Variants in CCDC148 observed in about 807,000 individuals in gnomAD.
The protein encoded by CCDC148 is coiled-coil domain-containing protein 148.
A neutral mutation model predicts 85.7 loss-of-function variants in CCDC148; 89 were observed. That is an observed-to-expected ratio of 1.04 (90% CI 0.87 to 1.24). CCDC148 has a LOEUF of 1.24. CCDC148 is among the 50% of genes most tolerant of loss of function. The probability of loss-of-function intolerance (pLI) is 0.00; values close to 1 mark genes in which losing one functional copy is unlikely to be tolerated. For missense variants in CCDC148, 692 were observed against 671.7 expected, an observed-to-expected ratio of 1.03 and a Z score of -0.33; for synonymous variants, 230 against 213.9, an observed-to-expected ratio of 1.08 and a Z score of -0.66.
At chr2:158,201,404 T>C (rs1277119099) in intron 11 of CCDC148, among the ~76,000 whole-genome samples, 6 of 145,160 alleles carry the variant, frequency 4.1e-5, no homozygotes, top group Non-Finnish European at 7.5e-5. Context: ...CTGTTTTCTT[T>C]TATTTGTTAC....
intron 2 of CCDC148, among the ~76,000 whole-genome samples, chr2:158,353,611 C>A (rs1019220356): frequency 4.6e-5 from 7 of 152,106 alleles, no homozygotes; most frequent in Admixed American, 2.6e-4. Flanking sequence ...GACTTAGACT[C>A]CCACACATTA....
chr2:158,409,958 TTC>T (rs1349933225), intron 1 of CCDC148, among the ~76,000 whole-genome samples: 2 of 152,194 alleles, frequency 1.3e-5, no homozygotes, highest in African/African-American at 4.8e-5. Context: ...TTGGCTGTCA[TTC>T]TCTGTTGCCA....
At chr2:158,321,734 C>T (rs1692527709) in intron 7 of CCDC148, among the ~76,000 whole-genome samples, 1 of 152,158 alleles carries the variant, frequency 6.6e-6, no homozygotes, top group Non-Finnish European at 1.5e-5. Flanking sequence ...TATGTGAAGC[C>T]ACACAGTGTT....
At chr2:158,304,216 C>A (rs1163295463) in intron 9 of CCDC148, among the ~76,000 whole-genome samples, 3 of 152,022 alleles carry the variant, frequency 2.0e-5, no homozygotes, top group East Asian at 1.9e-4. Flanking sequence ...GATGCTTAAA[C>A]CTTCAGGGCC....
At chr2:158,434,030 T>A (rs1216367024) in intron 1 of CCDC148, among the ~76,000 whole-genome samples, 2 of 152,092 alleles carry the variant, frequency 1.3e-5, no homozygotes, top group African/African-American at 2.4e-5. Flanking sequence ...CTCTGTAGAC[T>A]CCACCTCTGG....
chr2:158,283,780 A>C (rs2105179140), intron 9 of CCDC148, among the ~76,000 whole-genome samples: 1 of 151,572 alleles, frequency 6.6e-6, no homozygotes, highest in Middle Eastern at 3.4e-3. Context: ...TACTAGGTAT[A>C]TACCCAAAGG....
intron 1 of CCDC148, among the ~76,000 whole-genome samples, chr2:158,383,049 C>T (rs557365328): frequency 6.6e-6 from 1 of 152,026 alleles, no homozygotes; most frequent in East Asian, 1.9e-4. Context: ...CCTGTAATCC[C>T]AGCATTCTGT....
At chr2:158,285,998 A>G (rs896182217) in intron 9 of CCDC148, among the ~76,000 whole-genome samples, 2 of 152,182 alleles carry the variant, frequency 1.3e-5, no homozygotes, top group African/African-American at 4.8e-5. Flanking sequence ...AAAGGAAGCA[A>G]AATTGTCATT....
intron 1 of CCDC148, among the ~76,000 whole-genome samples, chr2:158,370,641 T>C (rs1212817110): frequency 3.3e-5 from 5 of 152,000 alleles, no homozygotes; most frequent in African/African-American, 9.7e-5. Flanking sequence ...TAAAACATTA[T>C]GGACTGTAGT....
chr2:158,323,251 A>G (rs1273436324), intron 7 of CCDC148, among the ~76,000 whole-genome samples: 1 of 152,224 alleles, frequency 6.6e-6, no homozygotes, highest in Non-Finnish European at 1.5e-5. Context: ...AAAATGTGGC[A>G]GTCCAAATTA....
chr2:158,266,895 C>CAT (rs200568570), intron 9 of CCDC148, among the ~76,000 whole-genome samples: 15 of 129,216 alleles, frequency 1.2e-4, no homozygotes, highest in Admixed American at 2.3e-4. Context: ...TATTTATTTA[C>CAT]ATATATATAT....
At chr2:158,304,189 T>C (rs1237648159) in intron 9 of CCDC148, among the ~76,000 whole-genome samples, 1 of 152,080 alleles carries the variant, frequency 6.6e-6, no homozygotes, top group Admixed American at 6.5e-5. Flanking sequence ...GAAGATGGCT[T>C]CTTCTTTCAT....
At position 158,354,455 on chromosome 2, in the gene CCDC148, C is replaced by T. The variant is rs1468539747; in HGVS notation, c.147+3994G>A. On this transcript the variant is annotated intron_variant, in intron 2 of 13. Transcript: ENST00000283233. ...TCAGAGAATACTACAAACACCTCTA[C>T]GCAAATAAACTAGAAAATCTAGAAG... is the stretch of plus-strand genomic sequence containing the variant. 4.5e-3 allele frequency among the ~76,000 whole-genome samples: 686 copies of T among 151,398 alleles called. 3 individuals are homozygous for T. Among genetic ancestry groups the T allele is most frequent in the African/African-American group, 0.015 (605 of 41,394 alleles).
At chr2:158,177,132 C>T (rs886248023) in intron 12 of CCDC148, among the ~76,000 whole-genome samples, 1 of 151,838 alleles carries the variant, frequency 6.6e-6, no homozygotes, top group Non-Finnish European at 1.5e-5. Flanking sequence ...ATTCTTGGGT[C>T]AAGTGTGTTG....
At chr2:158,443,107 G>T (rs1688004218) in intron 1 of CCDC148, among the ~76,000 whole-genome samples, 1 of 151,966 alleles carries the variant, frequency 6.6e-6, no homozygotes, top group Non-Finnish European at 1.5e-5. Context: ...TAAGGTCCTA[G>T]AGTTAGGGAC....
chr2:158,187,623 C>T (rs1390653294), intron 11 of CCDC148, among the ~76,000 whole-genome samples: 1 of 152,024 alleles, frequency 6.6e-6, no homozygotes, highest in African/African-American at 2.4e-5. Context: ...TTCAATGTGA[C>T]CTGTCTGCAA....
chr2:158,237,230 G>A (rs1688148873), intron 10 of CCDC148, among the ~76,000 whole-genome samples: 1 of 152,144 alleles, frequency 6.6e-6, no homozygotes, highest in Admixed American at 6.6e-5. Flanking sequence ...GCAGAGCAGA[G>A]AGGTAGATCA....
chr2:158,283,040 A>G (rs1690413869), intron 9 of CCDC148, among the ~76,000 whole-genome samples: 1 of 152,200 alleles, frequency 6.6e-6, no homozygotes, highest in Non-Finnish European at 1.5e-5. Flanking sequence ...AGGATTCCCT[A>G]TTTAATAAAT....
At chr2:158,249,672 A>C (rs958117468) in intron 10 of CCDC148, among the ~76,000 whole-genome samples, 1 of 152,106 alleles carries the variant, frequency 6.6e-6, no homozygotes, top group Non-Finnish European at 1.5e-5. Flanking sequence ...AATCAATAAC[A>C]ATGACAACTG....
Sources: allele counts gnomAD v4.1 joint callset (sites outside exome capture counted in the v4.1 genomes callset), GRCh38; gene constraint gnomAD v4.1.1; transcripts MANE v1.5; gene names NCBI Gene and HGNC (gene_info 2026-07-23, HGNC 2026-07-21).